DNAI7: variants seen among roughly 807,000 people sequenced by gnomAD.
DNAI7 encodes cancer susceptibility 1.
DNAI7 carries 78 observed loss-of-function variants against 86.6 expected under a neutral mutation model. That is an observed-to-expected ratio of 0.90 (90% CI 0.75 to 1.09). The LOEUF is 1.09. DNAI7 is among the 50% of genes least tolerant of loss of function. DNAI7 has a pLI of 0.00. For missense variants in DNAI7, 753 were observed against 810.2 expected (o/e 0.93, Z 0.86); for synonymous variants, 274 against 273.0 (o/e 1.00, Z -0.04).
intron 9 of DNAI7, among the ~76,000 whole-genome samples, chr12:25,132,838 A>G (rs1199067467): frequency 6.9e-6 from 1 of 144,698 alleles, no homozygotes; most frequent in Non-Finnish European, 1.5e-5. Context: ...GCTTAATTTT[A>G]TATTAAGAAA....
intron 9 of DNAI7, among the ~76,000 whole-genome samples, chr12:25,132,626 A>G (rs995126258): frequency 1.3e-5 from 2 of 150,280 alleles, no homozygotes; most frequent in African/African-American, 2.5e-5. Flanking sequence ...TATAAGTTAA[A>G]TCACTAATCA....
At chr12:25,176,644 T>C (rs1204171545) in intron 2 of DNAI7, among the ~76,000 whole-genome samples, 1 of 151,984 alleles carries the variant, frequency 6.6e-6, no homozygotes, top group African/African-American at 2.4e-5. Context: ...AGTAACATCA[T>C]GCAATTCTTT....
chr12:25,185,310 T>A (rs1388243609), intron 2 of DNAI7, among the ~76,000 whole-genome samples: 1 of 152,188 alleles, frequency 6.6e-6, no homozygotes, highest in Non-Finnish European at 1.5e-5. Flanking sequence ...GTGAGCACTA[T>A]TTATTGTTTT....
At chr12:25,138,922 G>A (rs1222445536) in intron 9 of DNAI7, among the ~76,000 whole-genome samples, 1 of 151,392 alleles carries the variant, frequency 6.6e-6, no homozygotes, top group Non-Finnish European at 1.5e-5. Flanking sequence ...TAAAAATCTG[G>A]TTTTTTGAAA....
intron 1 of DNAI7, among the ~76,000 whole-genome samples, chr12:25,193,314 A>G (rs542448353): frequency 2.6e-5 from 4 of 152,270 alleles, no homozygotes; most frequent in African/African-American, 9.6e-5. Flanking sequence ...GTGTCCTTAT[A>G]TAATAATAAT....
chr12:25,143,359 T>C (rs1944441048), intron 9 of DNAI7, among the ~76,000 whole-genome samples: 1 of 151,804 alleles, frequency 6.6e-6, no homozygotes, highest in African/African-American at 2.4e-5. Flanking sequence ...AGCAATTATC[T>C]TGTCTCAGCC....
At chr12:25,159,359 T>C (rs1020898636) in intron 3 of DNAI7, among the ~76,000 whole-genome samples, 18 of 151,884 alleles carry the variant, frequency 1.2e-4, no homozygotes, top group African/African-American at 4.1e-4. Flanking sequence ...TCAAGAGTAA[T>C]TTAAAACATC....
intron 9 of DNAI7, among the ~76,000 whole-genome samples, chr12:25,129,363 A>C (rs997673798): frequency 5.9e-5 from 9 of 152,156 alleles, no homozygotes; most frequent in Non-Finnish European, 1.3e-4. Context: ...CATCCTCCCG[A>C]GGGCCAGAAT....
chr12:25,154,251 T>C, intron 6 of DNAI7, 68 bp downstream of exon 6: 5 of 1,322,652 alleles, frequency 3.8e-6, no homozygotes, highest in Non-Finnish European at 5.1e-6. Flanking sequence ...GATATATTAA[T>C]TTTTATTTTG....
At chr12:25,166,545 GCCCAAAT>G in intron 2 of DNAI7, among the ~76,000 whole-genome samples, 1 of 152,122 alleles carries the variant, frequency 6.6e-6, no homozygotes. Flanking sequence ...CTTCAGTCAA[GCCCAAAT>G]TTCTTCCTCA....
chr12:25,181,127 C>CA (rs1949464208), intron 2 of DNAI7, among the ~76,000 whole-genome samples: 1 of 151,828 alleles, frequency 6.6e-6, no homozygotes, highest in African/African-American at 2.4e-5. Context: ...TTTTAAGAGA[C>CA]AGAGTCTCGC....
chr12:25,188,227 A>G (rs759316747), intron 2 of DNAI7, among the ~76,000 whole-genome samples: 1 of 152,210 alleles, frequency 6.6e-6, no homozygotes, highest in Non-Finnish European at 1.5e-5. Flanking sequence ...TTAATAAAAT[A>G]TTGTTAAGTG....
chr12:25,171,456 G>A (rs1020485488), intron 2 of DNAI7, among the ~76,000 whole-genome samples: 1 of 151,938 alleles, frequency 6.6e-6, no homozygotes. Context: ...CCAATAACAA[G>A]CAATGAGATT....
At chr12:25,117,933 TTTTTC>T (rs1555154862) in intron 12 of DNAI7, among the ~76,000 whole-genome samples, 2 of 71,648 alleles carry the variant, frequency 2.8e-5, no homozygotes, top group South Asian at 1.2e-3. Context: ...TGATATTTTC[TTTTTC>T]TTTTTTTTTT....
intron 9 of DNAI7, among the ~76,000 whole-genome samples, chr12:25,141,332 GA>G (rs1484515376): frequency 3.9e-5 from 6 of 152,058 alleles, no homozygotes; most frequent in African/African-American, 1.4e-4. Context: ...ATTAGATGCA[GA>G]ATATCCACAA....
chr12:25,186,301 C>T (rs192670952), intron 2 of DNAI7, among the ~76,000 whole-genome samples: 7 of 152,178 alleles, frequency 4.6e-5, no homozygotes, highest in Admixed American at 1.3e-4. Flanking sequence ...TTGAAATCTG[C>T]GTAAAAATAT....
At chr12:25,158,437 A>G (rs760698527) in intron 4 of DNAI7, 35 bp downstream of exon 4, 2 of 1,496,288 alleles carry the variant, frequency 1.3e-6, no homozygotes, top group Non-Finnish European at 1.9e-6. Context: ...CCATAGTTTA[A>G]GTATTCATTA....
chr12:25,190,604 T>A lies in DNAI7; in HGVS notation c.21+10A>T, dbSNP rs1950431328. 4 of 1,352,344 alleles carry A rather than the reference T, an allele frequency of 3.0e-6. No individual in the cohort carries two copies. The highest frequency in any genetic ancestry group is 2.9e-5 in the South Asian group (2 of 68,072). The allele number at this position is 1,352,344 out of a possible 1,614,324, so 83.8% of individuals were successfully genotyped here. A position where few individuals can be genotyped will look rare whatever the true frequency, so the allele number is the denominator to read the frequency against. On this transcript the variant is annotated intron_variant, in intron 2 of 15. Coordinates refer to ENST00000395987, the MANE Select transcript of DNAI7 (RefSeq NM_018272.5). ...ATACAACTATCTATTTTGAAAAAAA[T>A]TCTACATACCTTTTTTGCTTTGGGA...
chr12:25,135,957 A>G (rs1943501385), intron 9 of DNAI7, among the ~76,000 whole-genome samples: 1 of 152,066 alleles, frequency 6.6e-6, no homozygotes, highest in Non-Finnish European at 1.5e-5. Flanking sequence ...ATCTCTTGGG[A>G]GCTCTATGGC....
Sources: gnomAD v4.1 joint callset for allele counts (sites outside exome capture counted in the v4.1 genomes callset) on GRCh38, gnomAD v4.1.1 for gene constraint, MANE v1.5 for transcripts, NCBI Gene and HGNC (gene_info 2026-07-23, HGNC 2026-07-21) for gene names.